MAP2K6: variants seen among roughly 807,000 people sequenced by gnomAD.
The protein encoded by MAP2K6 is dual specificity mitogen-activated protein kinase kinase 6.
In MAP2K6, 16 loss-of-function variants were observed where a neutral mutation model predicts 53.7. That is an observed-to-expected ratio of 0.30 (90% confidence interval 0.20 to 0.45). The LOEUF is 0.45. MAP2K6 is among the 20% of genes least tolerant of loss of function. MAP2K6 has a pLI of 1.00. For synonymous variants in MAP2K6, 132 were observed against 143.1 expected (o/e 0.92, Z 0.55); for missense variants, 204 against 411.9 (o/e 0.50, Z 4.37).
At chr17:69,448,744 C>T (rs904122379) in intron 1 of MAP2K6, among the ~76,000 whole-genome samples, 1 of 152,226 alleles carries the variant, frequency 6.6e-6, no homozygotes, top group Non-Finnish European at 1.5e-5. Flanking sequence ...GCTGCTTTAA[C>T]TCATCCTGGC....
chr17:69,536,196 G>A, intron 11 of MAP2K6, 36 bp downstream of exon 11: 1 of 1,545,636 alleles, frequency 6.5e-7, no homozygotes, highest in Non-Finnish European at 8.9e-7. Context: ...TGACTATACT[G>A]ATAGCTACAA....
chr17:69,492,959 A>C (rs1338353540), intron 1 of MAP2K6, among the ~76,000 whole-genome samples: 1 of 152,100 alleles, frequency 6.6e-6, no homozygotes, highest in African/African-American at 2.4e-5. Flanking sequence ...CAGTTGGTCT[A>C]TTCAGCTGAA....
intron 10 of MAP2K6, 128 bp downstream of exon 10, chr17:69,526,837 C>A: frequency 8.9e-7 from 1 of 1,124,952 alleles, no homozygotes; most frequent in Non-Finnish European, 1.2e-6. Context: ...TATGCCCTCT[C>A]TGCTGGAGAA....
At chr17:69,441,821 A>C (rs570573846) in intron 1 of MAP2K6, among the ~76,000 whole-genome samples, 21 of 152,224 alleles carry the variant, frequency 1.4e-4, no homozygotes, top group African/African-American at 4.3e-4. Context: ...GTAGACATCT[A>C]GATTCTCCAC....
intron 8 of MAP2K6, among the ~76,000 whole-genome samples, chr17:69,523,965 C>T (rs576995089): frequency 5.3e-5 from 8 of 152,220 alleles, no homozygotes; most frequent in African/African-American, 1.4e-4. Context: ...TGAGGGCTCA[C>T]GTTTCTCAGG....
chr17:69,505,424 C>G, intron 1 of MAP2K6: 1 of 181,354 alleles, frequency 5.5e-6, no homozygotes, highest in Non-Finnish European at 1.0e-5. Context: ...GCCTGGGTGA[C>G]AGAGTGAGAC....
intron 1 of MAP2K6, among the ~76,000 whole-genome samples, chr17:69,466,252 A>G (rs533080829): frequency 6.6e-6 from 1 of 151,072 alleles, no homozygotes; most frequent in African/African-American, 2.4e-5. Context: ...AGAGCAAGCC[A>G]CTACTCCAGC....
chr17:69,528,730 A>AC (rs1465061830), intron 10 of MAP2K6, among the ~76,000 whole-genome samples: 3 of 151,790 alleles, frequency 2.0e-5, no homozygotes, highest in Non-Finnish European at 4.4e-5. Context: ...GTGGTAGCAC[A>AC]CACCTGTAGT....
At position 69,429,951 on chromosome 17, in the gene MAP2K6, G is replaced by A. The variant is rs540465253; in HGVS notation, c.16+14951G>A. Among the ~76,000 whole-genome samples, 6 of 152,286 alleles carry A rather than the reference G, an allele frequency of 3.9e-5. No homozygotes were observed. In the South Asian group the frequency reaches 6.2e-4, roughly 16 times the overall value. On this transcript the variant is annotated intron_variant, in intron 1 of 11. Coordinates refer to ENST00000590474, the MANE Select transcript of MAP2K6 (RefSeq NM_002758.4). ...GGGATAGTCGTGGGACAGGTGATCC[G>A]AATAACAAAAGAACAGGTGAGCAGC...
chr17:69,476,675 C>A lies in MAP2K6; in HGVS notation c.17-29105C>A, dbSNP rs369796931. ...GCAAACCCAAACCTGGAGTACATGTCAATTTATGTAAGCATGAATTTCTAT... is the reference window on the plus strand; with the variant it reads ...GCAAACCCAAACCTGGAGTACATGTAAATTTATGTAAGCATGAATTTCTAT... On this transcript the variant is annotated intron_variant, in intron 1 of 11. Transcript: ENST00000590474. Among the ~76,000 whole-genome samples the A allele has an allele frequency of 1.1e-4, 17 of 152,294 alleles. 1 individual carries two copies. In the Middle Eastern group the frequency reaches 0.01, roughly 91 times the overall value.
rs1912162218 is a variant in MAP2K6 at position 69,553,035 on chromosome 17, A to T, written c.*11282A>T. ...GGGATAATGTAGCTTTAAAGAAATT[A>T]TGTTTCTTTTTAACATTTGGAGAAG... On this transcript the variant is annotated 3_prime_UTR_variant, in exon 12 of 12. Coordinates refer to ENST00000590474, the MANE Select transcript of MAP2K6 (RefSeq NM_002758.4). 1 of 152,190 alleles carries T rather than the reference A, an allele frequency of 6.6e-6. No individual in the cohort carries two copies. Among genetic ancestry groups the T allele is most frequent in the South Asian group, 2.1e-4 (1 of 4,828 alleles). The allele number at this position is 152,190 out of a possible 1,614,324, so 9.4% of individuals were successfully genotyped here.
In MAP2K6 at chr17:69,528,887, A is replaced by AG. The variant is rs1555610738; in HGVS notation, c.881+2178_881+2179insG. Among the ~76,000 whole-genome samples the AG allele has an allele frequency of 5.3e-5, 7 of 132,872 alleles. 1 individual carries two copies. Among genetic ancestry groups the AG allele is most frequent in the African/African-American group, 8.5e-5 (3 of 35,268 alleles). The allele number at this position is 132,872 out of a possible 152,430, so 87.2% of individuals were successfully genotyped here. ...AAAAAAAAAAAAAAAAAAAAAAAAA[A>AG]AGATGAGGCATCTTGGGTAGTACAG... On this transcript the variant is annotated intron_variant, in intron 10 of 11. Coordinates refer to ENST00000590474, the MANE Select transcript of MAP2K6 (RefSeq NM_002758.4).
chr17:69,418,436 T>C (rs1028433780), intron 1 of MAP2K6, among the ~76,000 whole-genome samples: 2 of 152,196 alleles, frequency 1.3e-5, no homozygotes, highest in African/African-American at 4.8e-5. Context: ...ATTTCATAAA[T>C]AACCCTTGTT....
intron 4 of MAP2K6, 31 bp from the exon 5 acceptor site, chr17:69,519,282 A>T: frequency 6.2e-7 from 1 of 1,608,130 alleles, no homozygotes; most frequent in Non-Finnish European, 8.5e-7. Flanking sequence ...TCAGAGTAGT[A>T]ACCATAAATT....
intron 1 of MAP2K6, among the ~76,000 whole-genome samples, chr17:69,473,575 A>G (rs556725013): frequency 8.5e-4 from 130 of 152,166 alleles, no homozygotes; most frequent in South Asian, 3.7e-3. Context: ...CAGGAAATCT[A>G]TGGTATTTAT....
At chr17:69,502,719 G>A in intron 1 of MAP2K6, 1 of 985,262 alleles carries the variant, frequency 1.0e-6, no homozygotes, top group Non-Finnish European at 1.2e-6. Context: ...GGCTGTGGGG[G>A]TGGCTGGGTG....
chr17:69,551,364 T>C lies in MAP2K6; in HGVS notation c.*9611T>C, dbSNP rs1912092852. On this transcript the variant is annotated 3_prime_UTR_variant, in exon 12 of 12. Transcript: ENST00000590474. Reference sequence around the variant, plus strand: ...GGTACAGCCTTTAGAAGTTGGAAGCTATGGTGGTGTATCTGTCATGAACTG... The same window carrying C: ...GGTACAGCCTTTAGAAGTTGGAAGCCATGGTGGTGTATCTGTCATGAACTG... The C allele has an allele frequency of 6.6e-6, 1 of 152,184 alleles. No individual in the cohort carries two copies. 9.4% of individuals were successfully genotyped at this position (152,184 alleles called of 1,614,324 possible).
intron 8 of MAP2K6, among the ~76,000 whole-genome samples, chr17:69,524,360 T>C (rs1910650439): frequency 6.6e-6 from 1 of 151,692 alleles, no homozygotes; most frequent in Admixed American, 6.6e-5. Context: ...GTTAGATTAG[T>C]TATGAGAGGA....
Position 69,541,972 on chromosome 17 carries a change from C to G in MAP2K6, c.*219C>G. 3.1e-6 allele frequency: 1 copy of G among 322,518 alleles called. No individual in the cohort carries two copies. The highest frequency in any genetic ancestry group is 5.7e-5 in the East Asian group (1 of 17,520). 20.0% of individuals were successfully genotyped at this position (322,518 alleles called of 1,614,324 possible). A position where few individuals can be genotyped will look rare whatever the true frequency, so the allele number is the denominator to read the frequency against. ...CTAGATGGATGAATTATGATAAAGG[C>G]TTAGGACTTCAAAAGGTGATTAAAT... On this transcript the variant is annotated 3_prime_UTR_variant, in exon 12 of 12. Coordinates refer to ENST00000590474, the MANE Select transcript of MAP2K6 (RefSeq NM_002758.4).
Sources: gnomAD v4.1 joint callset for allele counts (sites outside exome capture counted in the v4.1 genomes callset) on GRCh38, gnomAD v4.1.1 for gene constraint, MANE v1.5 for transcripts, NCBI Gene and HGNC (gene_info 2026-07-23, HGNC 2026-07-21) for gene names.